SEC63: variants seen among roughly 807,000 people sequenced by gnomAD.
SEC63 encodes the protein SEC63 protein translocation regulator, also known as translocation protein SEC63 homolog.
In SEC63, 56 loss-of-function variants were observed where a neutral mutation model predicts 116.2. That is an observed-to-expected ratio of 0.48 (90% confidence interval 0.39 to 0.60). The LOEUF is 0.60. Ranked by LOEUF, SEC63 falls within the 20% of genes least tolerant of loss-of-function variation. The probability of loss-of-function intolerance (pLI) is 0.00; values close to 1 mark genes in which losing one functional copy is unlikely to be tolerated. For missense variants in SEC63, 668 were observed against 900.0 expected (o/e 0.74, Z 3.30); for synonymous variants, 273 against 294.6 (o/e 0.93, Z 0.75).
intron 3 of SEC63, 152 bp from the exon 4 acceptor site, chr6:107,922,061 C>T: frequency 1.7e-6 from 1 of 584,754 alleles, no homozygotes; most frequent in East Asian, 2.8e-5. Flanking sequence ...ATATATTTTT[C>T]CCATAAATTT....
At chr6:107,955,967 T>G (rs1053555527) in intron 1 of SEC63, 1 of 421,546 alleles carries the variant, frequency 2.4e-6, no homozygotes, top group East Asian at 9.3e-5. Flanking sequence ...AAACTCACCA[T>G]GAAAATATGA....
At chr6:107,956,583 G>T (rs1329033638) in intron 1 of SEC63, among the ~76,000 whole-genome samples, 2 of 152,160 alleles carry the variant, frequency 1.3e-5, no homozygotes, top group Admixed American at 1.3e-4. Context: ...ATTAAGACTA[G>T]TAACTTTGGA....
chr6:107,923,575 G>C (rs988614296), intron 3 of SEC63, among the ~76,000 whole-genome samples: 3 of 152,144 alleles, frequency 2.0e-5, no homozygotes, highest in Non-Finnish European at 4.4e-5. Flanking sequence ...GCCCAGGCTA[G>C]AGTGCAATGG....
intron 4 of SEC63, among the ~76,000 whole-genome samples, chr6:107,914,698 G>C (rs1365646184): frequency 3.9e-5 from 6 of 152,080 alleles, no homozygotes; most frequent in Admixed American, 3.9e-4. Context: ...CAAAAATTTT[G>C]TCCTAGATCC....
At chr6:107,897,233 A>G (rs1325614512) in intron 14 of SEC63, among the ~76,000 whole-genome samples, 1 of 152,180 alleles carries the variant, frequency 6.6e-6, no homozygotes, top group Admixed American at 6.5e-5. Context: ...AGACAACATA[A>G]ATGTTTCACA....
At chr6:107,885,404 T>C (rs1786504262) in intron 16 of SEC63, among the ~76,000 whole-genome samples, 1 of 152,108 alleles carries the variant, frequency 6.6e-6, no homozygotes, top group Non-Finnish European at 1.5e-5. Flanking sequence ...TTTACAGTAA[T>C]ACCAGAAAGG....
chr6:107,872,679 T>C, intron 20 of SEC63, 129 bp downstream of exon 20: 1 of 649,924 alleles, frequency 1.5e-6, no homozygotes, highest in South Asian at 1.8e-5. Context: ...ATCAAGTATA[T>C]CATATATAAA....
At chr6:107,897,033 G>A (rs1042571061) in intron 14 of SEC63, among the ~76,000 whole-genome samples, 1 of 151,286 alleles carries the variant, frequency 6.6e-6, no homozygotes, top group Non-Finnish European at 1.5e-5. Flanking sequence ...GGGAAGGAGG[G>A]AGGGAGGGAA....
intron 11 of SEC63, among the ~76,000 whole-genome samples, chr6:107,903,580 C>T (rs916908363): frequency 6.6e-6 from 1 of 152,144 alleles, no homozygotes; most frequent in African/African-American, 2.4e-5. Flanking sequence ...TGGTATGCAC[C>T]TGTAGTTCCA....
rs545276449 is a variant in SEC63, at chr6:107,891,988, C to G, written c.1674+1494G>C. Among the ~76,000 whole-genome samples the G allele has an allele frequency of 6.2e-4, 94 of 152,364 alleles. 1 individual carries two copies. The highest frequency in any genetic ancestry group is 2.2e-3 in the African/African-American group (91 of 41,596). ...GCCAGAGCTCTCCTGTATGAGCTGT[C>G]TCTTGTGGGAGATGTCTCCCAGTCA... is the stretch of plus-strand genomic sequence containing the variant. On this transcript the variant is annotated intron_variant, in intron 16 of 20. Transcript: ENST00000369002.
chr6:107,938,908 A>G (rs546815260), intron 1 of SEC63, among the ~76,000 whole-genome samples: 1 of 152,122 alleles, frequency 6.6e-6, no homozygotes, highest in East Asian at 1.9e-4. Flanking sequence ...TCTTAAAATT[A>G]TTTTTTTAAT....
Position 107,921,915 on chromosome 6 carries a change from G to GGAAAA in SEC63, c.340-7_340-6insTTTTC. On this transcript the variant is annotated splice_region_variant and splice_polypyrimidine_tract_variant and intron_variant, in intron 3 of 20. Transcript: ENST00000369002. ...ATTTCTGCTACTGTGGCTCCCTGGGGAAAAACAAAAAAAAAAAACAAGCTT... is the reference window on the plus strand; with the variant it reads ...ATTTCTGCTACTGTGGCTCCCTGGGGGAAAAAAAAACAAAAAAAAAAAACAAGCTT... 1 of 1,104,754 alleles carries GGAAAA rather than the reference G, an allele frequency of 9.1e-7. No homozygotes were observed. The highest frequency in any genetic ancestry group is 1.2e-6 in the Non-Finnish European group (1 of 814,554). The allele number at this position is 1,104,754 out of a possible 1,614,324, so 68.4% of individuals were successfully genotyped here.
rs750402958 is a variant in SEC63 at position 107,957,972 on chromosome 6, T to C, written c.38A>G (p.Asn13Ser). The change falls in exon 1 of 21, where the codon AAC becomes AGC. Residue 13 changes from asparagine (N) to serine (S), a missense_variant. Transcript: ENST00000369002. ...GGAGGTGAGGAAGTAGAAGAAGGTG[T>C]TCCCACTGTCATCGTACTGGAACTG... Reference protein sequence around the residue: ...GQQFQYDDSGNTFFYFLTSFV... With the variant: ...GQQFQYDDSGSTFFYFLTSFV... The C allele has an allele frequency of 6.2e-7, 1 of 1,613,302 alleles. No individual in the cohort carries two copies. Among genetic ancestry groups the C allele is most frequent in the Admixed American group, 1.7e-5 (1 of 60,000 alleles).
intron 1 of SEC63, among the ~76,000 whole-genome samples, chr6:107,934,943 G>C (rs1583769179): frequency 1.2e-5 from 1 of 82,690 alleles, no homozygotes; most frequent in Non-Finnish European, 2.3e-5. Flanking sequence ...GGAGGGAGGT[G>C]GGGGGGTCAG....
chr6:107,953,228 T>G (rs1770616323), intron 1 of SEC63, among the ~76,000 whole-genome samples: 1 of 152,224 alleles, frequency 6.6e-6, no homozygotes, highest in Non-Finnish European at 1.5e-5. Context: ...CCACTGCACT[T>G]CAGCCTGGGT....
chr6:107,900,612 C>T (rs1786979003), intron 13 of SEC63, among the ~76,000 whole-genome samples: 1 of 152,276 alleles, frequency 6.6e-6, no homozygotes, highest in Non-Finnish European at 1.5e-5. Flanking sequence ...CGCACCACTG[C>T]ACTCCAGCCT....
Position 107,871,734 on chromosome 6 carries a change from T to C in SEC63, c.2253A>G (p.Glu751=). 1.2e-6 allele frequency: 2 copies of C among 1,613,214 alleles called. No homozygotes were observed. The highest frequency in any genetic ancestry group is 1.7e-5 in the Admixed American group (1 of 60,016). The change falls in exon 21 of 21, where the codon GAA becomes GAG. Residue 751 remains glutamate (E), a synonymous_variant. Transcript: ENST00000369002. The part of the protein sequence containing the change: ...DSEGFEDSFE[E]EEEEEEDDD The stretch of plus-strand genomic sequence containing the variant: ...CATCATCTTCTTCTTCCTCCTCTTC[T>C]TCCTCAAAGCTATCTTCAAAGCCCT...
At chr6:107,879,312 C>T (rs9486741) in intron 18 of SEC63, among the ~76,000 whole-genome samples, 16,128 of 151,812 alleles carry the variant, frequency 0.11, 965 homozygotes, top group East Asian at 0.21. Flanking sequence ...TATAGGCACC[C>T]GCCACCACGC....
intron 3 of SEC63, 105 bp from the exon 4 acceptor site, chr6:107,922,014 C>A: frequency 1.5e-6 from 1 of 678,146 alleles, no homozygotes; most frequent in South Asian, 1.7e-5. Context: ...ATGAACTACT[C>A]AGTATTTTGA....
Sources: allele counts gnomAD v4.1 joint callset (sites outside exome capture counted in the v4.1 genomes callset), GRCh38; gene constraint gnomAD v4.1.1; transcripts MANE v1.5; gene names NCBI Gene and HGNC (gene_info 2026-07-23, HGNC 2026-07-21).